The following ARHGEF10L variants were observed in gnomAD, a reference collection of about 807,000 sequenced individuals.
ARHGEF10L encodes the protein Rho guanine nucleotide exchange factor 10 like.
In ARHGEF10L, 69 loss-of-function variants were observed where a neutral mutation model predicts 141.2. The observed-to-expected ratio is 0.49, with a 90% CI of 0.40 to 0.60. The LOEUF is 0.60. Among genes scored for constraint, ARHGEF10L ranks in the 20% least tolerant of loss-of-function variants. The pLI is 0.00. For missense variants in ARHGEF10L, 1,482 were observed against 1,734.3 expected (o/e 0.85, Z 2.58); for synonymous variants, 711 against 718.5 (o/e 0.99, Z 0.17).
intron 27 of ARHGEF10L, among the ~76,000 whole-genome samples, chr1:17,691,717 G>A (rs1022553673): frequency 1.5e-4 from 22 of 151,094 alleles, no homozygotes; most frequent in African/African-American, 4.9e-4. Flanking sequence ...ATATATATAT[G>A]TGTGTATATA....
rs768145912 is a variant in ARHGEF10L at position 17,664,428 on chromosome 1, C to G, written c.2861-19C>G. 19 of 1,598,698 alleles carry G rather than the reference C, an allele frequency of 1.2e-5. No homozygotes were observed. In the South Asian group the frequency reaches 2.1e-4, roughly 18 times the overall value. On this transcript the variant is annotated intron_variant, in intron 25 of 28. Coordinates refer to ENST00000361221, the MANE Select transcript of ARHGEF10L (RefSeq NM_018125.4). ...TTGCCGCTCCTGGCCCCTGACCTGC[C>G]TCCCCTCTCTCCCTGCAGGAGGTGT...
intron 1 of ARHGEF10L, among the ~76,000 whole-genome samples, chr1:17,552,176 G>T (rs2077134424): frequency 6.6e-6 from 1 of 152,172 alleles, no homozygotes; most frequent in Admixed American, 6.5e-5. Context: ...GCTGGGAAGG[G>T]CAGATGCCAG....
chr1:17,570,424 T>G (rs897838367), intron 1 of ARHGEF10L, among the ~76,000 whole-genome samples: 2 of 151,068 alleles, frequency 1.3e-5, no homozygotes, highest in African/African-American at 4.9e-5. Context: ...TTTCAGGCAG[T>G]GGGAACAGCA....
intron 21 of ARHGEF10L, among the ~76,000 whole-genome samples, chr1:17,642,764 C>G (rs555438669): frequency 4.6e-5 from 7 of 152,338 alleles, no homozygotes; most frequent in Admixed American, 3.9e-4. Flanking sequence ...CTTTGGGAAT[C>G]CTGGCCCTCA....
At chr1:17,611,349 A>C (rs776660738) in intron 7 of ARHGEF10L, among the ~76,000 whole-genome samples, 26 of 152,214 alleles carry the variant, frequency 1.7e-4, no homozygotes, top group Non-Finnish European at 2.9e-4. Context: ...TTGCATAACA[A>C]TATTGAACAT....
intron 1 of ARHGEF10L, among the ~76,000 whole-genome samples, chr1:17,550,029 G>T (rs1434456207): frequency 1.3e-5 from 2 of 152,222 alleles, no homozygotes; most frequent in Non-Finnish European, 2.9e-5. Flanking sequence ...AGGAGAACTG[G>T]CTGTAGAGAG....
chr1:17,603,309 T>C lies in ARHGEF10L; in HGVS notation c.350-199T>C, dbSNP rs187056387. ...CTGTGCAGTCACTGGGAGGGCGCCT[T>C]GGAGGGGGTGGGGGGCGGGGAGAAG... On this transcript the variant is annotated intron_variant, in intron 5 of 28. Coordinates refer to ENST00000361221, the MANE Select transcript of ARHGEF10L (RefSeq NM_018125.4). The surrounding 1 kb of genome is among the most constrained non-coding windows in gnomAD (Gnocchi z 4.8). Among the ~76,000 whole-genome samples, 107 of 39,440 alleles carry C rather than the reference T, an allele frequency of 2.7e-3. 3 individuals are homozygous for C. In the East Asian group the frequency reaches 0.067, roughly 25 times the overall value. The allele number at this position is 39,440 out of a possible 152,430, so 25.9% of individuals were successfully genotyped here.
At chr1:17,695,425 G>A in intron 28 of ARHGEF10L, 145 bp downstream of exon 28, 2 of 1,208,748 alleles carry the variant, frequency 1.7e-6, no homozygotes, top group Non-Finnish European at 2.2e-6. Flanking sequence ...AGGTGGCATG[G>A]TGGCCAGTAG....
At chr1:17,655,005 A>G (rs2102017911) in intron 23 of ARHGEF10L, among the ~76,000 whole-genome samples, 1 of 152,278 alleles carries the variant, frequency 6.6e-6, no homozygotes, top group South Asian at 2.1e-4. Flanking sequence ...TGTGCAGAGG[A>G]CCTGGGTCTC....
chr1:17,617,287 A>G (rs1272611272), intron 9 of ARHGEF10L, among the ~76,000 whole-genome samples: 6 of 152,208 alleles, frequency 3.9e-5, no homozygotes, highest in South Asian at 2.1e-4. Context: ...AGCATCTACT[A>G]TGTGCTAGGA....
At chr1:17,588,882 G>GTGTGTC (rs2079275875) in intron 4 of ARHGEF10L, among the ~76,000 whole-genome samples, 1 of 106,176 alleles carries the variant, frequency 9.4e-6, no homozygotes, top group African/African-American at 3.8e-5. Context: ...GTGTGTGTGT[G>GTGTGTC]TGTGTGTGTG....
chr1:17,556,096 G>T (rs1288171241), intron 1 of ARHGEF10L, among the ~76,000 whole-genome samples: 2 of 129,862 alleles, frequency 1.5e-5, no homozygotes, highest in African/African-American at 2.9e-5. Context: ...GGAACACAGG[G>T]ATGAGCCTGG....
the ARHGEF10L span, among the ~76,000 whole-genome samples, chr1:17,528,392 C>T: frequency 6.6e-6 from 1 of 151,972 alleles, no homozygotes; most frequent in African/African-American, 2.4e-5. Flanking sequence ...TTTATTTTTA[C>T]TTTTTGTAGA....
At chr1:17,599,856 G>A (rs987264206) in intron 4 of ARHGEF10L, among the ~76,000 whole-genome samples, 1 of 152,220 alleles carries the variant, frequency 6.6e-6, no homozygotes, top group Non-Finnish European at 1.5e-5. Flanking sequence ...CTAGTCATGT[G>A]TAGCTATTTA....
At chr1:17,626,859 A>G (rs555579736) in intron 14 of ARHGEF10L, among the ~76,000 whole-genome samples, 1 of 152,338 alleles carries the variant, frequency 6.6e-6, no homozygotes, top group East Asian at 1.9e-4. Context: ...GGAATCATAC[A>G]ATGTTTTTCT....
At position 17,687,421 on chromosome 1, in the gene ARHGEF10L, C is replaced by T. The variant is rs1052086448; in HGVS notation, c.3010-152C>T. ...GGCTTCTAAGATTCCAGTTGTTAAACTTTGGCCAACCTCATAGCTGGGCTT... is the reference window on the plus strand; with the variant it reads ...GGCTTCTAAGATTCCAGTTGTTAAATTTTGGCCAACCTCATAGCTGGGCTT... On this transcript the variant is annotated intron_variant, in intron 26 of 28. Transcript: ENST00000361221. The T allele has an allele frequency of 8.7e-6, 7 of 800,784 alleles. No homozygotes were observed. The African/African-American group carries it at 1.2e-4, about 14-fold the overall frequency. The allele number at this position is 800,784 out of a possible 1,614,324, so 49.6% of individuals were successfully genotyped here. A position where few individuals can be genotyped will look rare whatever the true frequency, so the allele number is the denominator to read the frequency against.
At chr1:17,696,436 C>T (rs985554085) in intron 28 of ARHGEF10L, among the ~76,000 whole-genome samples, 2 of 151,972 alleles carry the variant, frequency 1.3e-5, no homozygotes, top group Non-Finnish European at 2.9e-5. Flanking sequence ...TGAGGGTGCT[C>T]CGGGGGCTGG....
intron 1 of ARHGEF10L, among the ~76,000 whole-genome samples, chr1:17,560,044 G>A (rs2100819565): frequency 6.6e-6 from 1 of 152,308 alleles, no homozygotes; most frequent in South Asian, 2.1e-4. Context: ...ATGCAAACCT[G>A]TTTGGGCTGG....
chr1:17,650,732 C>CAA lies in ARHGEF10L; in HGVS notation c.2394+2079_2394+2080dup, dbSNP rs71575854. ...TGGGTGACAGAGTAAGACCCTGTCT[C>CAA]AAAAAAAAAAAAAAAAAAAAAAATG... On this transcript the variant is annotated intron_variant, in intron 22 of 28. Transcript: ENST00000361221. Among the ~76,000 whole-genome samples, 595 of 77,586 alleles carry CAA rather than the reference C, an allele frequency of 7.7e-3. 6 individuals carry two copies. The highest frequency in any genetic ancestry group is 0.025 in the African/African-American group (486 of 19,530). 50.9% of individuals were successfully genotyped at this position (77,586 alleles called of 152,430 possible). A position where few individuals can be genotyped will look rare whatever the true frequency, so the allele number is the denominator to read the frequency against.
Sources: gnomAD v4.1 joint callset for allele counts (sites outside exome capture counted in the v4.1 genomes callset) on GRCh38, gnomAD v4.1.1 for gene constraint, Gnocchi (gnomAD v3.1) non-coding constraint, MANE v1.5 for transcripts, NCBI Gene and HGNC (gene_info 2026-07-23, HGNC 2026-07-21) for gene names.